JPH3: variants seen among roughly 807,000 people sequenced by gnomAD.
The protein encoded by JPH3 is junctophilin 3, also known as junctophilin-3.
Under a neutral mutation model 59.6 loss-of-function variants are expected in JPH3, and 11 were observed. The observed-to-expected ratio is 0.18, with a 90% CI of 0.12 to 0.31. The LOEUF is 0.31. JPH3 is among the 10% of genes least tolerant of loss of function. JPH3 has a pLI of 1.00. For missense variants in JPH3, 1,202 were observed against 1,105.7 expected, an observed-to-expected ratio of 1.09 and a Z score of -1.24; for synonymous variants, 673 against 483.6, an observed-to-expected ratio of 1.39 and a Z score of -5.14.
chr16:87,623,849 T>C (rs2031277144), intron 1 of JPH3, among the ~76,000 whole-genome samples: 1 of 152,260 alleles, frequency 6.6e-6, no homozygotes, highest in Non-Finnish European at 1.5e-5. Flanking sequence ...CATGCCCAGC[T>C]GTGGGGTCCC....
At chr16:87,617,585 G>T (rs1342728524) in intron 1 of JPH3, among the ~76,000 whole-genome samples, 1 of 150,782 alleles carries the variant, frequency 6.6e-6, no homozygotes, top group Non-Finnish European at 1.5e-5. Flanking sequence ...TCTAGGGAGG[G>T]GTGCCTGTGT....
At chr16:87,630,210 C>T (rs576911822) in intron 1 of JPH3, among the ~76,000 whole-genome samples, 7 of 152,320 alleles carry the variant, frequency 4.6e-5, no homozygotes, top group African/African-American at 1.2e-4. Context: ...GGGGTCAAGA[C>T]GCACCTGGGT....
chr16:87,649,239 C>T (rs2032251938), intron 2 of JPH3, among the ~76,000 whole-genome samples: 1 of 152,188 alleles, frequency 6.6e-6, no homozygotes, highest in East Asian at 1.9e-4. Context: ...TGGGAACTCC[C>T]ACTAGTGAAA....
At chr16:87,685,170 G>A (rs1030846720) in intron 3 of JPH3, among the ~76,000 whole-genome samples, 9 of 152,174 alleles carry the variant, frequency 5.9e-5, no homozygotes, top group East Asian at 1.9e-4. Context: ...TGACTGGAAC[G>A]CGAGACCACA....
intron 1 of JPH3, among the ~76,000 whole-genome samples, chr16:87,622,943 C>T (rs1400291848): frequency 6.6e-6 from 1 of 152,158 alleles, no homozygotes; most frequent in Non-Finnish European, 1.5e-5. Context: ...AGAGGACTTG[C>T]CTTCTCTGCG....
chr16:87,676,646 A>G (rs1029073063), intron 2 of JPH3, among the ~76,000 whole-genome samples: 1 of 151,850 alleles, frequency 6.6e-6, no homozygotes, highest in African/African-American at 2.4e-5. Flanking sequence ...AGGCAGCAGA[A>G]TCCCTTGAAC....
intron 1 of JPH3, chr16:87,604,368 C>T: frequency 6.9e-7 from 1 of 1,440,488 alleles, no homozygotes; most frequent in Non-Finnish European, 9.2e-7. Flanking sequence ...GCCGGCTCTG[C>T]AGCTGCCCGC....
At chr16:87,658,538 C>A (rs910955776) in intron 2 of JPH3, among the ~76,000 whole-genome samples, 8 of 152,012 alleles carry the variant, frequency 5.3e-5, no homozygotes, top group Non-Finnish European at 7.4e-5. Flanking sequence ...CTTTTGTTCC[C>A]CCTTCTCTCT....
intron 2 of JPH3, among the ~76,000 whole-genome samples, chr16:87,662,317 C>A (rs537093642): frequency 6.6e-6 from 1 of 152,172 alleles, no homozygotes; most frequent in East Asian, 1.9e-4. Flanking sequence ...GGTCAGTGGG[C>A]GCCGAATGAA....
rs546089754 is a variant in JPH3, at chr16:87,671,965, C to T, written c.1161-12177C>T. ...TGCACCTTCGTCTGTGGGGGGTGGC[C>T]GCACCCAGCCTCGCTTCAGGTGCCT... is the stretch of plus-strand genomic sequence containing the variant. On this transcript the variant is annotated intron_variant, in intron 2 of 4. Coordinates refer to ENST00000284262, the MANE Select transcript of JPH3 (RefSeq NM_020655.4). 2.6e-5 allele frequency among the ~76,000 whole-genome samples: 4 copies of T among 152,304 alleles called. No individual in the cohort carries two copies. In the East Asian group the frequency reaches 5.8e-4, roughly 22 times the overall value.
At chr16:87,667,407 C>T (rs967188261) in intron 2 of JPH3, among the ~76,000 whole-genome samples, 1 of 152,282 alleles carries the variant, frequency 6.6e-6, no homozygotes, top group Non-Finnish European at 1.5e-5. Context: ...GAGACTGTGT[C>T]ATGCTCTGAT....
chr16:87,681,244 A>C (rs1278607577), intron 2 of JPH3, among the ~76,000 whole-genome samples: 2 of 146,898 alleles, frequency 1.4e-5, no homozygotes, highest in African/African-American at 5.1e-5. Context: ...CGGTGATGAC[A>C]GTTCCAGAAG....
chr16:87,602,269 G>C (rs1010978014), upstream of JPH3: 12 of 149,914 alleles, frequency 8.0e-5, no homozygotes, highest in Admixed American at 3.3e-4. Context: ...GCTGGACCCC[G>C]GTTTCCAGTC....
rs577814289 is a variant in JPH3 at position 87,625,148 on chromosome 16, C to T, written c.383-19110C>T. Reference sequence around the variant, plus strand: ...GAGTCTCACTCTGTGAGCCAGCACACCTGGCCCATGGCTTCTTTTAAAAAG... The same window carrying T: ...GAGTCTCACTCTGTGAGCCAGCACATCTGGCCCATGGCTTCTTTTAAAAAG... On this transcript the variant is annotated intron_variant, in intron 1 of 4. Transcript: ENST00000284262. Among the ~76,000 whole-genome samples the T allele has an allele frequency of 8.9e-4, 136 of 152,336 alleles. 2 individuals carry two copies. In the South Asian group the frequency reaches 0.014, roughly 16 times the overall value.
chr16:87,688,088 C>G (rs1393214267), intron 3 of JPH3, among the ~76,000 whole-genome samples: 3 of 152,194 alleles, frequency 2.0e-5, no homozygotes, highest in Admixed American at 1.3e-4. Flanking sequence ...TCTACACAGA[C>G]CTTCTCTGGC....
chr16:87,622,070 C>T (rs902629454), intron 1 of JPH3, among the ~76,000 whole-genome samples: 6 of 151,550 alleles, frequency 4.0e-5, no homozygotes, highest in African/African-American at 7.3e-5. Context: ...AACAGAAGAA[C>T]GACGCAGCCT....
chr16:87,672,892 C>T (rs1218299011), intron 2 of JPH3, among the ~76,000 whole-genome samples: 1 of 152,208 alleles, frequency 6.6e-6, no homozygotes, highest in Admixed American at 6.5e-5. Flanking sequence ...TGCCTATAAT[C>T]TCAGCACTTT....
chr16:87,696,520 G>T (rs1411867216), intron 4 of JPH3, 60 bp from the exon 5 acceptor site: 4 of 1,418,692 alleles, frequency 2.8e-6, no homozygotes, highest in Admixed American at 1.7e-5. Flanking sequence ...TGGGAGGCGT[G>T]GTGGCCCAGG....
chr16:87,666,835 A>G (rs867681788), intron 2 of JPH3, among the ~76,000 whole-genome samples: 29 of 152,330 alleles, frequency 1.9e-4, no homozygotes, highest in Middle Eastern at 3.4e-3. Context: ...AGATGGGGAA[A>G]CAGAGGCCAC....
Sources: allele counts gnomAD v4.1 joint callset (sites outside exome capture counted in the v4.1 genomes callset), GRCh38; gene constraint gnomAD v4.1.1; transcripts MANE v1.5; gene names NCBI Gene and HGNC (gene_info 2026-07-23, HGNC 2026-07-21).